DLGAP2: variants seen among roughly 807,000 people sequenced by gnomAD.
DLGAP2 encodes DLG associated protein 2.
A neutral mutation model predicts 100.3 loss-of-function variants in DLGAP2; 26 were observed. The observed-to-expected ratio is 0.26, with a 90% CI of 0.19 to 0.36. The LOEUF is 0.36. Among genes scored for constraint, DLGAP2 ranks in the 10% least tolerant of loss-of-function variants. The pLI is 1.00. For missense variants in DLGAP2, 1,858 were observed against 1,453.2 expected (o/e 1.28, Z -4.53); for synonymous variants, 886 against 630.1 (o/e 1.41, Z -6.08).
At chr8:1,374,644 G>C (rs184289156) in intron 3 of DLGAP2, among the ~76,000 whole-genome samples, 64 of 152,294 alleles carry the variant, frequency 4.2e-4, no homozygotes, top group African/African-American at 1.5e-3. Flanking sequence ...AGGAGTTAAA[G>C]ATTTGAACTC....
At chr8:1,062,677 T>G (rs1382107742) in intron 2 of DLGAP2, among the ~76,000 whole-genome samples, 1 of 152,176 alleles carries the variant, frequency 6.6e-6, no homozygotes, top group Non-Finnish European at 1.5e-5. Context: ...AGGTCTTGCC[T>G]TTCTTATAAG....
intron 2 of DLGAP2, among the ~76,000 whole-genome samples, chr8:964,712 G>A (rs1472360616): frequency 6.6e-6 from 1 of 152,200 alleles, no homozygotes; most frequent in Non-Finnish European, 1.5e-5. Context: ...AAGGGGCCCA[G>A]GCCTTTGGAC....
intron 2 of DLGAP2, among the ~76,000 whole-genome samples, chr8:1,134,694 C>G (rs560257665): frequency 6.6e-6 from 1 of 152,164 alleles, no homozygotes. Context: ...TTAACTGACT[C>G]ACAGTTCAGC....
intron 1 of DLGAP2, among the ~76,000 whole-genome samples, chr8:776,491 G>T (rs1294479811): frequency 1.3e-5 from 2 of 152,152 alleles, no homozygotes; most frequent in Non-Finnish European, 2.9e-5. Context: ...GGCATTTAGT[G>T]CTATAAATTT....
intron 3 of DLGAP2, among the ~76,000 whole-genome samples, chr8:1,386,318 C>A (rs1443721559): frequency 6.6e-6 from 1 of 152,190 alleles, no homozygotes; most frequent in Non-Finnish European, 1.5e-5. Flanking sequence ...GGTGCATGAA[C>A]TCCCCAGAAC....
At chr8:1,686,750 T>C (rs1799126085) in intron 12 of DLGAP2, among the ~76,000 whole-genome samples, 1 of 151,486 alleles carries the variant, frequency 6.6e-6, no homozygotes, top group Admixed American at 6.6e-5. Flanking sequence ...GGAAGAGAAG[T>C]TGATTCATAC....
intron 2 of DLGAP2, among the ~76,000 whole-genome samples, chr8:1,146,609 G>C (rs1796612053): frequency 6.6e-6 from 1 of 152,132 alleles, no homozygotes; most frequent in Admixed American, 6.5e-5. Context: ...GCATGTGTGT[G>C]CATGCACGTG....
intron 1 of DLGAP2, among the ~76,000 whole-genome samples, chr8:774,103 G>A (rs1473845454): frequency 1.3e-5 from 2 of 152,180 alleles, no homozygotes; most frequent in African/African-American, 2.4e-5. Flanking sequence ...GGCCAGTGAC[G>A]ATGAGCATTT....
chr8:944,603 G>A lies in DLGAP2; in HGVS notation c.73+36637G>A, dbSNP rs191836814. ...CCTGCAGGTGACTCAGTGGGTGGTA[G>A]CTGATCCATGTGGGTGATCCAGGGG... On this transcript the variant is annotated intron_variant, in intron 2 of 14. Transcript: ENST00000637795. Among the ~76,000 whole-genome samples, 258 of 150,450 alleles carry A rather than the reference G, an allele frequency of 1.7e-3. 3 individuals are homozygous for A. Among genetic ancestry groups the A allele is most frequent in the African/African-American group, 6.2e-3 (253 of 40,904 alleles).
At chr8:1,324,641 G>A (rs1039001889) in intron 3 of DLGAP2, among the ~76,000 whole-genome samples, 10 of 152,140 alleles carry the variant, frequency 6.6e-5, no homozygotes, top group Non-Finnish European at 1.3e-4. Context: ...TCTCAAAAGC[G>A]CCTTTGGACT....
At chr8:1,591,193 C>A (rs1200661602) in intron 6 of DLGAP2, among the ~76,000 whole-genome samples, 1 of 152,188 alleles carries the variant, frequency 6.6e-6, no homozygotes, top group Non-Finnish European at 1.5e-5. Context: ...TTTTCCTATT[C>A]AAAGTTCTGT....
intron 1 of DLGAP2, among the ~76,000 whole-genome samples, chr8:863,156 G>C (rs1283725071): frequency 6.6e-6 from 1 of 152,206 alleles, no homozygotes; most frequent in African/African-American, 2.4e-5. Context: ...CGGCCAAGGA[G>C]GTTCAGAGAC....
intron 2 of DLGAP2, among the ~76,000 whole-genome samples, chr8:1,083,619 T>C (rs1803879453): frequency 6.6e-6 from 1 of 152,202 alleles, no homozygotes; most frequent in Non-Finnish European, 1.5e-5. Flanking sequence ...TAGTGAAATG[T>C]TGAGAAAATC....
At chr8:944,264 G>A (rs1226486955) in intron 2 of DLGAP2, among the ~76,000 whole-genome samples, 1 of 151,920 alleles carries the variant, frequency 6.6e-6, no homozygotes, top group Non-Finnish European at 1.5e-5. Context: ...GATCCTTGTG[G>A]GTGATCCAGT....
chr8:1,632,530 G>T (rs1797672341), intron 7 of DLGAP2, among the ~76,000 whole-genome samples: 1 of 152,182 alleles, frequency 6.6e-6, no homozygotes, highest in Admixed American at 6.5e-5. Flanking sequence ...TCTTTTAAAA[G>T]TTCTATCTCT....
At chr8:963,574 G>A (rs1799777775) in intron 2 of DLGAP2, among the ~76,000 whole-genome samples, 1 of 152,036 alleles carries the variant, frequency 6.6e-6, no homozygotes, top group African/African-American at 2.4e-5. Flanking sequence ...CGTAAGCAAG[G>A]AATAATCACA....
chr8:1,686,178 C>T (rs1799109507), intron 12 of DLGAP2, among the ~76,000 whole-genome samples: 1 of 152,094 alleles, frequency 6.6e-6, no homozygotes, highest in South Asian at 2.1e-4. Context: ...CCTAGGTTCC[C>T]ATCAGTAGAA....
chr8:957,827 A>G (rs1799630381), intron 2 of DLGAP2, among the ~76,000 whole-genome samples: 2 of 152,222 alleles, frequency 1.3e-5, no homozygotes, highest in African/African-American at 4.8e-5. Flanking sequence ...GTTTCTCATT[A>G]TGAAAGAAAT....
chr8:1,347,283 C>T (rs1801585039), intron 3 of DLGAP2, among the ~76,000 whole-genome samples: 1 of 151,816 alleles, frequency 6.6e-6, no homozygotes, highest in African/African-American at 2.4e-5. Flanking sequence ...ACACTGCACT[C>T]ACGGTAGCTG....
Sources: gnomAD v4.1 joint callset for allele counts (sites outside exome capture counted in the v4.1 genomes callset) on GRCh38, gnomAD v4.1.1 for gene constraint, MANE v1.5 for transcripts, NCBI Gene and HGNC (gene_info 2026-07-23, HGNC 2026-07-21) for gene names.